Variants in RPS6KC1 observed in about 807,000 individuals in gnomAD.
RPS6KC1 encodes inactive ribosomal protein S6 kinase delta-1.
Under a neutral mutation model 103.8 loss-of-function variants are expected in RPS6KC1, and 54 were observed. That is an observed-to-expected ratio of 0.52 (90% CI 0.42 to 0.65). The LOEUF (loss-of-function observed/expected upper bound fraction) is 0.65. RPS6KC1 is among the 30% of genes least tolerant of loss of function. The pLI is 0.00. For synonymous variants in RPS6KC1, 439 were observed against 438.7 expected (o/e 1.00, Z -0.01); for missense variants, 1,151 against 1,253.8 (o/e 0.92, Z 1.24).
the RPS6KC1 span, among the ~76,000 whole-genome samples, chr1:213,581,498 CCA>C: frequency 6.6e-6 from 1 of 152,076 alleles, no homozygotes; most frequent in African/African-American, 2.4e-5. Context: ...TGGGATCATA[CCA>C]CAGAGGTTGT....
the RPS6KC1 span, among the ~76,000 whole-genome samples, chr1:213,745,358 G>A: frequency 6.6e-6 from 1 of 151,470 alleles, no homozygotes; most frequent in African/African-American, 2.4e-5. Flanking sequence ...TTTCCTCTGG[G>A]GGCTGTTTGT....
chr1:213,106,071 A>ACTG (rs1054319731), intron 4 of RPS6KC1, among the ~76,000 whole-genome samples: 2 of 152,196 alleles, frequency 1.3e-5, no homozygotes, highest in Admixed American at 6.5e-5. Flanking sequence ...GGGAAATGAG[A>ACTG]CTGTCATTTT....
intron 1 of RPS6KC1, among the ~76,000 whole-genome samples, chr1:213,069,555 C>T (rs2078679679): frequency 6.6e-6 from 1 of 152,114 alleles, no homozygotes; most frequent in African/African-American, 2.4e-5. Flanking sequence ...TTATTTTGGA[C>T]TTTAGGGGTG....
At chr1:213,250,842 C>T (rs537077286) in intron 12 of RPS6KC1, among the ~76,000 whole-genome samples, 2 of 152,182 alleles carry the variant, frequency 1.3e-5, no homozygotes, top group East Asian at 3.8e-4. Context: ...AAAATTGTCT[C>T]TGTATTTAAA....
chr1:213,771,533 G>T, the RPS6KC1 span, among the ~76,000 whole-genome samples: 2 of 152,300 alleles, frequency 1.3e-5, no homozygotes, highest in African/African-American at 4.8e-5. Context: ...GAGGGAAATG[G>T]CTTCTTATTT....
chr1:213,723,984 G>A, the RPS6KC1 span, among the ~76,000 whole-genome samples: 1 of 152,210 alleles, frequency 6.6e-6, no homozygotes, highest in Non-Finnish European at 1.5e-5. Flanking sequence ...CAACCTTCAG[G>A]CAGGAATGAG....
rs116999900 is a variant in RPS6KC1, at chr1:213,266,606, C to T, written c.3090+3790C>T. Among the ~76,000 whole-genome samples the T allele has an allele frequency of 1.6e-3, 236 of 152,154 alleles. 6 individuals carry two copies. In the East Asian group the frequency reaches 0.041, roughly 26 times the overall value. On this transcript the variant is annotated intron_variant, in intron 14 of 14. Coordinates refer to ENST00000366960, the MANE Select transcript of RPS6KC1 (RefSeq NM_012424.6). Reference sequence around the variant, plus strand: ...TACAACAATCTGAAAGGTGTTTATGCTTAAAAAACAGCTGAACTGGCCAGG... The same window carrying T: ...TACAACAATCTGAAAGGTGTTTATGTTTAAAAAACAGCTGAACTGGCCAGG...
chr1:213,301,799 G>A, the RPS6KC1 span, among the ~76,000 whole-genome samples: 2 of 151,618 alleles, frequency 1.3e-5, no homozygotes, highest in East Asian at 1.9e-4. Flanking sequence ...GTAGTGGCAC[G>A]ATCTTGGCTT....
the RPS6KC1 span, among the ~76,000 whole-genome samples, chr1:213,596,217 A>T: frequency 6.6e-6 from 1 of 152,180 alleles, no homozygotes; most frequent in Non-Finnish European, 1.5e-5. Context: ...GGGCTTAGGG[A>T]TAAAGAATTT....
the RPS6KC1 span, among the ~76,000 whole-genome samples, chr1:213,764,715 C>T: frequency 1.3e-5 from 2 of 152,126 alleles, no homozygotes; most frequent in Non-Finnish European, 2.9e-5. Context: ...ACCCCAGGTG[C>T]AAGCTGGAGT....
At chr1:213,282,587 T>G in the RPS6KC1 span, among the ~76,000 whole-genome samples, 1 of 152,254 alleles carries the variant, frequency 6.6e-6, no homozygotes, top group Admixed American at 6.5e-5. Context: ...ATGGTTGACT[T>G]TTGGAGTGAA....
At chr1:213,105,702 C>T (rs1010001615) in intron 4 of RPS6KC1, among the ~76,000 whole-genome samples, 3 of 152,156 alleles carry the variant, frequency 2.0e-5, no homozygotes, top group Non-Finnish European at 4.4e-5. Flanking sequence ...CACCATTCTG[C>T]AAACTAGGCT....
At chr1:213,437,603 ATTTTC>A in the RPS6KC1 span, among the ~76,000 whole-genome samples, 2 of 151,896 alleles carry the variant, frequency 1.3e-5, no homozygotes, top group Non-Finnish European at 2.9e-5. Flanking sequence ...TGGGTCTAGA[ATTTTC>A]TTTGTGGGTG....
chr1:213,605,679 G>T, the RPS6KC1 span, among the ~76,000 whole-genome samples: 2 of 152,174 alleles, frequency 1.3e-5, no homozygotes, highest in Non-Finnish European at 2.9e-5. Flanking sequence ...CACATAGTAG[G>T]TGCTCAATGA....
the RPS6KC1 span, among the ~76,000 whole-genome samples, chr1:213,352,913 G>C: frequency 6.6e-6 from 1 of 152,200 alleles, no homozygotes; most frequent in Non-Finnish European, 1.5e-5. Context: ...AACTTATGCT[G>C]TCTATTTAAA....
At chr1:213,253,957 A>G (rs1229471413) in intron 12 of RPS6KC1, among the ~76,000 whole-genome samples, 1 of 152,164 alleles carries the variant, frequency 6.6e-6, no homozygotes, top group African/African-American at 2.4e-5. Flanking sequence ...TATCATAAGG[A>G]CTATAAAACT....
the RPS6KC1 span, among the ~76,000 whole-genome samples, chr1:213,766,604 C>T: frequency 1.4e-3 from 217 of 152,276 alleles, 1 homozygote; most frequent in South Asian, 2.7e-3. Context: ...GGCAGATGTA[C>T]GTTTTCTAAT....
At chr1:213,173,219 C>T (rs1012057608) in intron 7 of RPS6KC1, among the ~76,000 whole-genome samples, 2 of 152,178 alleles carry the variant, frequency 1.3e-5, no homozygotes, top group African/African-American at 2.4e-5. Context: ...ATGAGAAATA[C>T]AATTTTTTTA....
At chr1:213,483,699 G>A in the RPS6KC1 span, among the ~76,000 whole-genome samples, 1 of 152,080 alleles carries the variant, frequency 6.6e-6, no homozygotes, top group African/African-American at 2.4e-5. Flanking sequence ...CCTGGCTCCT[G>A]TTAGCATCTC....
Sources: gnomAD v4.1 joint callset for allele counts (sites outside exome capture counted in the v4.1 genomes callset) on GRCh38, gnomAD v4.1.1 for gene constraint, MANE v1.5 for transcripts, NCBI Gene and HGNC (gene_info 2026-07-23, HGNC 2026-07-21) for gene names.